Variants in PEX5L observed in about 807,000 individuals in gnomAD.
PEX5L encodes PEX5-related protein.
PEX5L carries 30 observed loss-of-function variants against 84.0 expected under a neutral mutation model. The observed-to-expected ratio is 0.36, with a 90% CI of 0.27 to 0.48. The LOEUF is 0.48. PEX5L is among the 20% of genes least tolerant of loss of function. PEX5L has a pLI of 0.99. For missense variants in PEX5L, 533 were observed against 754.6 expected, an observed-to-expected ratio of 0.71 and a Z score of 3.44; for synonymous variants, 270 against 283.1, an observed-to-expected ratio of 0.95 and a Z score of 0.46.
intron 2 of PEX5L, among the ~76,000 whole-genome samples, chr3:179,958,868 A>G (rs577064657): frequency 1.3e-5 from 2 of 152,240 alleles, no homozygotes; most frequent in African/African-American, 4.8e-5. Flanking sequence ...AATGCTTCCT[A>G]GGAGCCACAG....
chr3:180,005,525 G>A (rs538895207), intron 1 of PEX5L, among the ~76,000 whole-genome samples: 128 of 152,246 alleles, frequency 8.4e-4, no homozygotes, highest in Non-Finnish European at 1.4e-3. Flanking sequence ...TCAAGAGATC[G>A]AGACCATTCT....
At chr3:179,994,960 CT>C (rs1169087147) in intron 1 of PEX5L, among the ~76,000 whole-genome samples, 2 of 151,562 alleles carry the variant, frequency 1.3e-5, no homozygotes, top group African/African-American at 4.9e-5. Context: ...ATTGTGAAAC[CT>C]TTTGATTGTG....
At chr3:179,935,135 CA>C (rs200944760) in intron 2 of PEX5L, among the ~76,000 whole-genome samples, 1,909 of 150,552 alleles carry the variant, frequency 0.013, 24 homozygotes, top group Middle Eastern at 0.024. Context: ...TCCTGACTTA[CA>C]ATATGAAACA....
At chr3:179,883,987 T>A (rs561107605) in intron 4 of PEX5L, among the ~76,000 whole-genome samples, 1 of 152,330 alleles carries the variant, frequency 6.6e-6, no homozygotes, top group East Asian at 1.9e-4. Context: ...AGGTTGGAAA[T>A]GATTACAAAA....
chr3:179,855,476 T>C (rs1352925319), intron 8 of PEX5L, among the ~76,000 whole-genome samples: 1 of 152,206 alleles, frequency 6.6e-6, no homozygotes, highest in Non-Finnish European at 1.5e-5. Context: ...ATTATCAACA[T>C]AATACATCTT....
chr3:179,808,908 A>G (rs1722502747), intron 12 of PEX5L, among the ~76,000 whole-genome samples: 1 of 151,926 alleles, frequency 6.6e-6, no homozygotes, highest in Non-Finnish European at 1.5e-5. Context: ...CCCCGTCTCT[A>G]CTAAAAATAC....
intron 2 of PEX5L, among the ~76,000 whole-genome samples, chr3:179,916,770 A>G (rs775761694): frequency 6.6e-6 from 1 of 152,102 alleles, no homozygotes; most frequent in Non-Finnish European, 1.5e-5. Context: ...CCTAAGTTCA[A>G]GTGATTCTCC....
At chr3:179,919,115 T>C (rs571102929) in intron 2 of PEX5L, among the ~76,000 whole-genome samples, 2 of 152,314 alleles carry the variant, frequency 1.3e-5, no homozygotes, top group Admixed American at 6.5e-5. Context: ...ACATCAGTTA[T>C]CAGTAAAGTG....
At chr3:179,849,335 T>A (rs1740869245) in intron 8 of PEX5L, among the ~76,000 whole-genome samples, 4 of 152,242 alleles carry the variant, frequency 2.6e-5, no homozygotes, top group African/African-American at 9.6e-5. Context: ...ATTATATTTT[T>A]AAATATATAT....
chr3:179,815,807 C>T (rs1365915557), intron 10 of PEX5L, 54 bp downstream of exon 10: 21 of 1,589,280 alleles, frequency 1.3e-5, no homozygotes, highest in Non-Finnish European at 1.8e-5. Flanking sequence ...TGTTATCTGT[C>T]CCTTGTTAGC....
chr3:179,904,247 C>A (rs1218150944), intron 2 of PEX5L, among the ~76,000 whole-genome samples: 1 of 152,188 alleles, frequency 6.6e-6, no homozygotes, highest in Non-Finnish European at 1.5e-5. Flanking sequence ...GTGCACATTT[C>A]TTCAGCCATC....
At chr3:179,815,222 G>A (rs151181925) in intron 10 of PEX5L, among the ~76,000 whole-genome samples, 46 of 152,362 alleles carry the variant, frequency 3.0e-4, no homozygotes, top group African/African-American at 9.6e-4. Flanking sequence ...CAAGGGTGAT[G>A]TACAGTGTGA....
At chr3:179,908,462 T>A (rs1764009021) in intron 2 of PEX5L, among the ~76,000 whole-genome samples, 1 of 152,220 alleles carries the variant, frequency 6.6e-6, no homozygotes, top group African/African-American at 2.4e-5. Context: ...TTCTGTTTTA[T>A]CTTTTTTTAT....
chr3:180,000,651 C>T (rs745804703), intron 1 of PEX5L, among the ~76,000 whole-genome samples: 5 of 152,176 alleles, frequency 3.3e-5, no homozygotes, highest in Non-Finnish European at 7.4e-5. Flanking sequence ...TTGTTAAAAA[C>T]ATGTTTGTGC....
intron 8 of PEX5L, among the ~76,000 whole-genome samples, chr3:179,836,588 T>G (rs1329485840): frequency 2.0e-5 from 3 of 152,202 alleles, no homozygotes; most frequent in Non-Finnish European, 4.4e-5. Flanking sequence ...CTTTAGCCTC[T>G]TTTTTGCTTA....
At chr3:179,905,820 T>G (rs1763002067) in intron 2 of PEX5L, among the ~76,000 whole-genome samples, 1 of 152,220 alleles carries the variant, frequency 6.6e-6, no homozygotes, top group African/African-American at 2.4e-5. Context: ...AACTGCCTTA[T>G]GAGAGCAAAG....
At chr3:179,860,914 T>A (rs1356310436) in intron 7 of PEX5L, among the ~76,000 whole-genome samples, 3 of 152,200 alleles carry the variant, frequency 2.0e-5, no homozygotes, top group Non-Finnish European at 4.4e-5. Flanking sequence ...CCCAGGAGGC[T>A]GTGCTCACCC....
chr3:179,911,627 A>G (rs1765220643), intron 2 of PEX5L, among the ~76,000 whole-genome samples: 1 of 152,230 alleles, frequency 6.6e-6, no homozygotes, highest in Non-Finnish European at 1.5e-5. Context: ...TGAAAGGACT[A>G]TTTATAATTT....
chr3:179,817,055 C>T (rs1726395119), intron 9 of PEX5L, among the ~76,000 whole-genome samples: 1 of 152,190 alleles, frequency 6.6e-6, no homozygotes. Context: ...ATGAATCCCA[C>T]ATACTGTATA....
Sources: gnomAD v4.1 joint callset for allele counts (sites outside exome capture counted in the v4.1 genomes callset) on GRCh38, gnomAD v4.1.1 for gene constraint, MANE v1.5 for transcripts, NCBI Gene and HGNC (gene_info 2026-07-23, HGNC 2026-07-21) for gene names.